TPO: variants seen among roughly 807,000 people sequenced by gnomAD.
The protein encoded by TPO is thyroid microsomal antigen.
Under a neutral mutation model 96.9 loss-of-function variants are expected in TPO, and 78 were observed. The ratio of observed to expected loss-of-function variants is 0.81; its 90% CI spans 0.67 to 0.97. The LOEUF (loss-of-function observed/expected upper bound fraction) is 0.97. Ranked by LOEUF, TPO falls within the 50% of genes least tolerant of loss-of-function variation. The pLI is 0.00. For synonymous variants in TPO, 547 were observed against 538.0 expected, an observed-to-expected ratio of 1.02 and a Z score of -0.23; for missense variants, 1,252 against 1,274.8, an observed-to-expected ratio of 0.98 and a Z score of 0.27.
At chr2:1,455,852 C>T (rs1215512652) in intron 6 of TPO, among the ~76,000 whole-genome samples, 4 of 152,130 alleles carry the variant, frequency 2.6e-5, no homozygotes, top group Non-Finnish European at 5.9e-5. Flanking sequence ...GAAGTTAATG[C>T]CAGGCCCTCC....
rs539357680 is a variant in TPO, at chr2:1,465,798, G to A, written c.819+9516G>A. Among the ~76,000 whole-genome samples the A allele has an allele frequency of 6.6e-5, 10 of 152,198 alleles. No individual in the cohort carries two copies. The South Asian group carries it at 1.7e-3, about 25-fold the overall frequency. On this transcript the variant is annotated intron_variant, in intron 7 of 16. Coordinates refer to ENST00000329066, the MANE Select transcript of TPO (RefSeq NM_001206744.2). ...TGATCAGTTCTAGGAGCTTTCTGGA[G>A]GAGTCTTTAGGGTTTTCTAGGTAAA...
chr2:1,430,914 A>G (rs753043009), intron 3 of TPO, among the ~76,000 whole-genome samples: 1 of 152,194 alleles, frequency 6.6e-6, no homozygotes, highest in Non-Finnish European at 1.5e-5. Context: ...AGAGGCTCAT[A>G]GGTAGAAGGA....
At chr2:1,429,092 A>G (rs1427169922) in intron 3 of TPO, among the ~76,000 whole-genome samples, 1 of 152,172 alleles carries the variant, frequency 6.6e-6, no homozygotes. Flanking sequence ...TATGTACATG[A>G]AGTTATTTCT....
chr2:1,418,476 C>G (rs1021301926), intron 2 of TPO, among the ~76,000 whole-genome samples: 1 of 152,012 alleles, frequency 6.6e-6, no homozygotes, highest in African/African-American at 2.4e-5. Flanking sequence ...GGTCAAAGCA[C>G]AAAGAGAAAT....
At chr2:1,454,542 G>A (rs1001174040) in intron 6 of TPO, among the ~76,000 whole-genome samples, 8 of 152,260 alleles carry the variant, frequency 5.3e-5, no homozygotes, top group South Asian at 2.1e-4. Flanking sequence ...CCCAGAAGCC[G>A]TGAGAAGCCC....
rs1277445726 is a variant in TPO at position 1,423,030 on chromosome 2, C to A, written c.95-15C>A. Reference sequence around the variant, plus strand: ...CTGTCATTGCGCTTTGACTGTGTGACATTCTGTTCCGTAGGAAAGCCTGAG... The same window carrying A: ...CTGTCATTGCGCTTTGACTGTGTGAAATTCTGTTCCGTAGGAAAGCCTGAG... On this transcript the variant is annotated splice_polypyrimidine_tract_variant and intron_variant, in intron 2 of 16. Transcript: ENST00000329066. 1 of 1,613,586 alleles carries A rather than the reference C, an allele frequency of 6.2e-7. No individual in the cohort carries two copies. The highest frequency in any genetic ancestry group is 8.5e-7 in the Non-Finnish European group (1 of 1,179,498).
At chr2:1,533,204 TATCCCCCC>T (rs1678747889) in intron 15 of TPO, among the ~76,000 whole-genome samples, 3 of 1,894 alleles carry the variant, frequency 1.6e-3, no homozygotes, top group Non-Finnish European at 1.1e-3. Context: ...AATCTCCCCA[TATCCCCCC>T]ATATCCCCCC....
chr2:1,441,874 C>T (rs531315942), intron 5 of TPO, among the ~76,000 whole-genome samples: 5 of 152,158 alleles, frequency 3.3e-5, no homozygotes, highest in South Asian at 2.1e-4. Flanking sequence ...TGCTCCATGG[C>T]GGGATGGTGA....
intron 4 of TPO, 140 bp from the exon 5 acceptor site, chr2:1,436,112 A>T: frequency 7.6e-7 from 1 of 1,311,152 alleles, no homozygotes; most frequent in East Asian, 2.3e-5. Context: ...GAGAAGGCAG[A>T]TTTTCTCAAA....
rs528392836 is a variant in TPO at position 1,377,951 on chromosome 2, C to T, written n.180+3549C>T. On this transcript the variant is annotated intron_variant and non_coding_transcript_variant, in intron 1 of 5. Coordinates refer to the TPO transcript ENST00000497517. ...TAATTTCCACTTGTGGTGGGAGGGA[C>T]CTGGTGGGAGATAATTGAATCATGG... Among the ~76,000 whole-genome samples the T allele has an allele frequency of 1.4e-3, 208 of 152,212 alleles. 1 individual carries two copies. The highest frequency in any genetic ancestry group is 4.9e-3 in the African/African-American group (204 of 41,534).
intron 5 of TPO, among the ~76,000 whole-genome samples, chr2:1,442,964 T>A (rs1818525): frequency 1.6e-4 from 24 of 152,140 alleles, no homozygotes; most frequent in Non-Finnish European, 2.4e-4. Flanking sequence ...TGCTGGGCAC[T>A]TTGGCTCACG....
chr2:1,523,815 C>G (rs1382375137), intron 15 of TPO, among the ~76,000 whole-genome samples: 7 of 133,158 alleles, frequency 5.3e-5, no homozygotes, highest in Non-Finnish European at 1.1e-4. Context: ...CCCAAATCCC[C>G]CCACTGTGAG....
intron 5 of TPO, among the ~76,000 whole-genome samples, chr2:1,448,693 G>T (rs13410524): frequency 0.067 from 10,152 of 152,288 alleles, 567 homozygotes; most frequent in African/African-American, 0.14. Context: ...GGAGGCTCCT[G>T]CAGGTAAATG....
chr2:1,532,436 A>C (rs1573615368), intron 15 of TPO, among the ~76,000 whole-genome samples: 1 of 97,194 alleles, frequency 1.0e-5, no homozygotes, highest in Admixed American at 1.1e-4. Flanking sequence ...ACTGTGAGTA[A>C]CCTCCTGCAA....
rs1680891088 is a variant in TPO at position 1,542,617 on chromosome 2, C to G, written c.*143C>G. Reference sequence around the variant, plus strand: ...AATCTAGTACCATGTCGTAGTTACTCTCAGGCATGGATGAATAAATGTTAT... The same window carrying G: ...AATCTAGTACCATGTCGTAGTTACTGTCAGGCATGGATGAATAAATGTTAT... On this transcript the variant is annotated 3_prime_UTR_variant, in exon 17 of 17. Transcript: ENST00000329066. The G allele has an allele frequency of 6.4e-7, 1 of 1,552,110 alleles. No homozygotes were observed.
chr2:1,523,700 C>A (rs1196930055), intron 15 of TPO, among the ~76,000 whole-genome samples: 4 of 109,042 alleles, frequency 3.7e-5, no homozygotes, highest in Admixed American at 2.0e-4. Context: ...CTCCCCAAAT[C>A]CCCCCCACTG....
chr2:1,529,343 G>A (rs1455827146), intron 15 of TPO, among the ~76,000 whole-genome samples: 4 of 99,366 alleles, frequency 4.0e-5, no homozygotes, highest in South Asian at 3.1e-4. Context: ...CCCCCACTGT[G>A]TGCAACCTCC....
chr2:1,413,362 A>G (rs1390655297), upstream of TPO: 1 of 152,184 alleles, frequency 6.6e-6, no homozygotes, highest in African/African-American at 2.4e-5. Context: ...GCCCGCAGAC[A>G]TTCTGTCCCC....
At chr2:1,440,593 A>C (rs1176006720) in intron 5 of TPO, among the ~76,000 whole-genome samples, 2 of 151,856 alleles carry the variant, frequency 1.3e-5, no homozygotes, top group Non-Finnish European at 2.9e-5. Flanking sequence ...CCACACCTGT[A>C]CTTCTTGTTT....
Sources: allele counts gnomAD v4.1 joint callset (sites outside exome capture counted in the v4.1 genomes callset), GRCh38; gene constraint gnomAD v4.1.1; transcripts MANE v1.5; gene names NCBI Gene and HGNC (gene_info 2026-07-23, HGNC 2026-07-21).